NSD3: variants seen among roughly 807,000 people sequenced by gnomAD.
The protein encoded by NSD3 is nuclear receptor binding SET domain protein 3.
A neutral mutation model predicts 160.8 loss-of-function variants in NSD3; 24 were observed. That is an observed-to-expected ratio of 0.15 (90% CI 0.11 to 0.21). The LOEUF is 0.21. Ranked by LOEUF, NSD3 falls within the 10% of genes least tolerant of loss-of-function variation. The pLI is 1.00. For synonymous variants in NSD3, 520 were observed against 600.0 expected (o/e 0.87, Z 1.95); for missense variants, 1,157 against 1,735.9 (o/e 0.67, Z 5.93).
At chr8:38,306,271 T>C (rs1236974765) in intron 12 of NSD3, among the ~76,000 whole-genome samples, 1 of 152,092 alleles carries the variant, frequency 6.6e-6, no homozygotes, top group Non-Finnish European at 1.5e-5. Flanking sequence ...TATCACTATA[T>C]TTTTGCTAAT....
chr8:38,307,861 T>A (rs1376176684), intron 12 of NSD3, among the ~76,000 whole-genome samples: 10 of 152,236 alleles, frequency 6.6e-5, no homozygotes, highest in African/African-American at 2.4e-4. Flanking sequence ...TATGTTTTAC[T>A]TGTGTAATTA....
intron 1 of NSD3, among the ~76,000 whole-genome samples, chr8:38,368,061 C>T (rs1341001301): frequency 6.6e-6 from 1 of 152,140 alleles, no homozygotes; most frequent in African/African-American, 2.4e-5. Flanking sequence ...CTCACTGCAA[C>T]CTCTGCCTCC....
At chr8:38,380,053 C>T (rs1033892660) in intron 1 of NSD3, among the ~76,000 whole-genome samples, 1 of 152,140 alleles carries the variant, frequency 6.6e-6, no homozygotes, top group African/African-American at 2.4e-5. Flanking sequence ...AACAAAAAAA[C>T]CCTGGCATCT....
In NSD3 at chr8:38,315,163, A is replaced by G. The variant is rs566476902; in HGVS notation, c.2115+253T>C. On this transcript the variant is annotated intron_variant, in intron 11 of 23. Transcript: ENST00000317025. Reference sequence around the variant, plus strand: ...ATTACTTTAAAATTTTGAATTTAAGAAAGTTTTTCCAATCAGTCATCTGCC... The same window carrying G: ...ATTACTTTAAAATTTTGAATTTAAGGAAGTTTTTCCAATCAGTCATCTGCC... Among the ~76,000 whole-genome samples, 11 of 152,316 alleles carry G rather than the reference A, an allele frequency of 7.2e-5. No individual in the cohort carries two copies. The South Asian group carries it at 2.1e-3, about 29-fold the overall frequency.
At chr8:38,278,610 G>A (rs1790549003) in intron 21 of NSD3, among the ~76,000 whole-genome samples, 198 bp from the exon 22 acceptor site, 1 of 152,166 alleles carries the variant, frequency 6.6e-6, no homozygotes, top group Non-Finnish European at 1.5e-5. Context: ...AACAATGACA[G>A]CAAAACTACA....
intron 1 of NSD3, among the ~76,000 whole-genome samples, chr8:38,369,681 T>G (rs1811192722): frequency 6.6e-6 from 1 of 152,198 alleles, no homozygotes; most frequent in African/African-American, 2.4e-5. Flanking sequence ...CATTTGCACT[T>G]TTAGAGATAA....
chr8:38,345,771 G>T lies in NSD3; in HGVS notation c.675+1726C>A, dbSNP rs183027273. ...AAAAAAAAAAAAAAATTAGCCAGGC[G>T]TGGTGGTATGCCTGTAGTCCCCAGC... is the stretch of plus-strand genomic sequence containing the variant. On this transcript the variant is annotated intron_variant, in intron 2 of 23. Coordinates refer to ENST00000317025, the MANE Select transcript of NSD3 (RefSeq NM_023034.2). 1.6e-3 allele frequency among the ~76,000 whole-genome samples: 237 copies of T among 151,746 alleles called. 1 individual carries two copies. The highest frequency in any genetic ancestry group is 5.4e-3 in the African/African-American group (223 of 41,342).
At chr8:38,351,072 C>T (rs945925351) in intron 1 of NSD3, among the ~76,000 whole-genome samples, 17 of 150,956 alleles carry the variant, frequency 1.1e-4, no homozygotes, top group Non-Finnish European at 8.9e-5. Flanking sequence ...CCCAGGTTCA[C>T]GCCATTCTCC....
chr8:38,306,858 T>C (rs1000970633), intron 12 of NSD3, among the ~76,000 whole-genome samples: 6 of 152,166 alleles, frequency 3.9e-5, no homozygotes, highest in Non-Finnish European at 7.4e-5. Flanking sequence ...CTCATGCCTG[T>C]AATCCCAGCA....
At chr8:38,307,285 A>G (rs1053080705) in intron 12 of NSD3, among the ~76,000 whole-genome samples, 1 of 152,112 alleles carries the variant, frequency 6.6e-6, no homozygotes, top group Non-Finnish European at 1.5e-5. Flanking sequence ...CCTAAGTTCA[A>G]GTGATTCTCG....
intron 19 of NSD3, among the ~76,000 whole-genome samples, chr8:38,283,330 G>C (rs1050760118): frequency 1.3e-5 from 2 of 151,980 alleles, no homozygotes; most frequent in Non-Finnish European, 2.9e-5. Context: ...ATATTTTAGA[G>C]GAAAATAAAT....
At position 38,304,767 on chromosome 8, in the gene NSD3, G is replaced by C. The variant is rs1239576021; in HGVS notation, c.2441-10C>G. On this transcript the variant is annotated splice_polypyrimidine_tract_variant and intron_variant, in intron 13 of 23. Coordinates refer to ENST00000317025, the MANE Select transcript of NSD3 (RefSeq NM_023034.2). The stretch of plus-strand genomic sequence containing the variant: ...CATCTCATCATGCGGCCTGTTTAAA[G>C]ACAAGTCAAAAAGGAATCTAATAAG... 1 of 1,587,700 alleles carries C rather than the reference G, an allele frequency of 6.3e-7. No homozygotes were observed. Among genetic ancestry groups the C allele is most frequent in the Non-Finnish European group, 8.5e-7 (1 of 1,170,674 alleles).
intron 11 of NSD3, among the ~76,000 whole-genome samples, 166 bp from the exon 12 acceptor site, chr8:38,314,939 C>A (rs561692459): frequency 5.9e-5 from 9 of 152,194 alleles, no homozygotes; most frequent in Admixed American, 5.9e-4. Flanking sequence ...CCAGAAGATG[C>A]TGATATTGTT....
chr8:38,271,749 T>A lies in NSD3; in HGVS notation c.*3892A>T, dbSNP rs1808489352. On this transcript the variant is annotated 3_prime_UTR_variant, in exon 24 of 24. Transcript: ENST00000317025. The stretch of plus-strand genomic sequence containing the variant: ...CTACGCTGCCCAGAAATAAAGCAAC[T>A]TTCCAATGTCCTTTTTCTCATATGG... 6.6e-6 allele frequency: 1 copy of A among 152,216 alleles called. No homozygotes were observed. The highest frequency in any genetic ancestry group is 1.5e-5 in the Non-Finnish European group (1 of 68,032). 9.4% of individuals were successfully genotyped at this position (152,216 alleles called of 1,614,324 possible).
Position 38,279,637 on chromosome 8 carries a change from G to A in NSD3, c.3663C>T (p.Phe1221=), listed in dbSNP as rs1325685764. 9.3e-6 allele frequency: 15 copies of A among 1,613,688 alleles called. No individual in the cohort carries two copies. The highest frequency in any genetic ancestry group is 1.3e-5 in the Non-Finnish European group (15 of 1,179,786). The change falls in exon 21 of 24, where the codon TTC becomes TTT. Residue 1221 remains phenylalanine, a synonymous_variant. Coordinates refer to ENST00000317025, the MANE Select transcript of NSD3 (RefSeq NM_023034.2). ...DAGPKGNYSR[F]MNHSCNPNCE... ...AGTTGGGATTACAACTGTGGTTCAT[G>A]AAGCGAGAATAATTTCCTTTTGGGC... is the stretch of plus-strand genomic sequence containing the variant.
At chr8:38,348,301 G>T in intron 1 of NSD3, 86 bp from the exon 2 acceptor site, 1 of 1,043,822 alleles carries the variant, frequency 9.6e-7, no homozygotes, top group Non-Finnish European at 1.3e-6. Context: ...AAACTAAAAT[G>T]TTTTGAACTC....
At chr8:38,354,990 G>A (rs1363928986) in intron 1 of NSD3, among the ~76,000 whole-genome samples, 1 of 152,130 alleles carries the variant, frequency 6.6e-6, no homozygotes, top group East Asian at 1.9e-4. Context: ...GATATTTTGG[G>A]ACTACATGTA....
At chr8:38,378,784 T>C (rs1383133014) in intron 1 of NSD3, among the ~76,000 whole-genome samples, 1 of 149,830 alleles carries the variant, frequency 6.7e-6, no homozygotes, top group African/African-American at 2.5e-5. Context: ...GATCGCACCA[T>C]TGCACTCCAG....
Position 38,270,251 on chromosome 8 carries a change from G to A in NSD3, c.*5390C>T, listed in dbSNP as rs567714197. On this transcript the variant is annotated 3_prime_UTR_variant, in exon 24 of 24. Coordinates refer to ENST00000317025, the MANE Select transcript of NSD3 (RefSeq NM_023034.2). ...TCTCAAGTGATTTAGGCAAAGTAATGGTTCACAGGATCTACAAAGTTTATT... is the reference window on the plus strand; with the variant it reads ...TCTCAAGTGATTTAGGCAAAGTAATAGTTCACAGGATCTACAAAGTTTATT... The A allele has an allele frequency of 6.6e-6, 1 of 152,232 alleles. No individual in the cohort carries two copies. The highest frequency in any genetic ancestry group is 2.1e-4 in the South Asian group (1 of 4,824). The allele number at this position is 152,232 out of a possible 1,614,324, so 9.4% of individuals were successfully genotyped here.
Sources: allele counts gnomAD v4.1 joint callset (sites outside exome capture counted in the v4.1 genomes callset), GRCh38; gene constraint gnomAD v4.1.1; transcripts MANE v1.5; gene names NCBI Gene and HGNC (gene_info 2026-07-23, HGNC 2026-07-21).